CFAP221: variants seen among roughly 807,000 people sequenced by gnomAD.
CFAP221 encodes the protein cilia- and flagella-associated protein 221.
Under a neutral mutation model 113.1 loss-of-function variants are expected in CFAP221, and 97 were observed. That is an observed-to-expected ratio of 0.86 (90% CI 0.73 to 1.02). The LOEUF is 1.02. CFAP221 is among the 50% of genes least tolerant of loss of function. The probability of loss-of-function intolerance (pLI) is 0.00; values close to 1 mark genes in which losing one functional copy is unlikely to be tolerated. For synonymous variants in CFAP221, 331 were observed against 354.4 expected (o/e 0.93, Z 0.74); for missense variants, 1,025 against 1,013.4 (o/e 1.01, Z -0.16).
chr2:119,599,886 C>A (rs1456430681), intron 7 of CFAP221, among the ~76,000 whole-genome samples: 1 of 152,120 alleles, frequency 6.6e-6, no homozygotes, highest in East Asian at 1.9e-4. Context: ...TTATTAAGTG[C>A]TTATTAAGTA....
At chr2:119,592,678 C>T (rs1307942304) in intron 7 of CFAP221, among the ~76,000 whole-genome samples, 1 of 152,204 alleles carries the variant, frequency 6.6e-6, no homozygotes, top group East Asian at 1.9e-4. Flanking sequence ...GCTCCTGGGG[C>T]TGCATGCCTC....
chr2:119,639,801 G>A lies in CFAP221; in HGVS notation c.2154G>A (p.Met718Ile), dbSNP rs1489055178. ...LHHTDIIPGI[M>I]HWKSFQSLVL... ...TACAGGACATTATTCCCGGAATAAT[G>A]CACTGGAAAAGCTTCCAGTCCCTGG... is the stretch of plus-strand genomic sequence containing the variant. The change falls in exon 21 of 24, where the codon ATG (methionine) becomes ATA (isoleucine). Residue 718 changes from methionine (M) to isoleucine (I), a missense_variant. Transcript: ENST00000413369. 2 of 1,613,950 alleles carry A rather than the reference G, an allele frequency of 1.2e-6. No homozygotes were observed. The highest frequency in any genetic ancestry group is 3.3e-5 in the Admixed American group (2 of 60,000).
At chr2:119,571,478 A>G (rs1224093248) in intron 6 of CFAP221, among the ~76,000 whole-genome samples, 1 of 143,610 alleles carries the variant, frequency 7.0e-6, no homozygotes, top group African/African-American at 2.6e-5. Context: ...TTCTTGAGAC[A>G]GAGTTTCACT....
At chr2:119,572,744 G>A in intron 6 of CFAP221, 1 of 554,094 alleles carries the variant, frequency 1.8e-6, no homozygotes, top group Non-Finnish European at 3.3e-6. Flanking sequence ...TGTGGATCTG[G>A]TGGCTGAAGA....
chr2:119,584,160 ATGAT>A (rs1234487809), intron 6 of CFAP221, among the ~76,000 whole-genome samples: 2 of 152,214 alleles, frequency 1.3e-5, no homozygotes, highest in Non-Finnish European at 2.9e-5. Context: ...CTCCAAAACA[ATGAT>A]TGATAAAACT....
chr2:119,651,274 G>T (rs1212491504), intron 22 of CFAP221, among the ~76,000 whole-genome samples: 2 of 152,072 alleles, frequency 1.3e-5, no homozygotes, highest in Non-Finnish European at 2.9e-5. Context: ...CTATAGCTCG[G>T]AACCAAATGT....
intron 3 of CFAP221, chr2:119,555,983 A>G (rs1463329342): frequency 6.6e-6 from 1 of 152,238 alleles, no homozygotes; most frequent in African/African-American, 2.4e-5. Context: ...TAAAGTGTAG[A>G]AAATAAGCTG....
intron 8 of CFAP221, among the ~76,000 whole-genome samples, chr2:119,604,077 T>C (rs1315337060): frequency 1.3e-5 from 2 of 152,242 alleles, no homozygotes; most frequent in African/African-American, 2.4e-5. Flanking sequence ...AATCTAGCTA[T>C]TGAAAACCAA....
chr2:119,601,230 C>T lies in CFAP221; in HGVS notation c.644C>T (p.Ala215Val). 6.6e-7 allele frequency: 1 copy of T among 1,524,210 alleles called. No homozygotes were observed. The highest frequency in any genetic ancestry group is 8.8e-7 in the Non-Finnish European group (1 of 1,138,708). 94.4% of individuals were successfully genotyped at this position (1,524,210 alleles called of 1,614,324 possible). A position where few individuals can be genotyped will look rare whatever the true frequency, so the allele number is the denominator to read the frequency against. ...AIEPTSGIIP[A>V]NGKMTVTIKF... ...TCTTTCCTCTCAGGAATAATTCCGGCTAATGGGAAGATGACTGTGACTATT... is the reference window on the plus strand; with the variant it reads ...TCTTTCCTCTCAGGAATAATTCCGGTTAATGGGAAGATGACTGTGACTATT... Residue 215 changes from alanine to valine, a missense_variant, in exon 8 of 24, where the codon GCT (alanine) becomes GTT (valine). By Grantham distance (64) the Ala-to-Val change is moderately conservative (BLOSUM62 0). Coordinates refer to ENST00000413369, the MANE Select transcript of CFAP221 (RefSeq NM_001271049.2).
At chr2:119,643,626 C>G (rs138903590) in intron 21 of CFAP221, among the ~76,000 whole-genome samples, 3,562 of 152,242 alleles carry the variant, frequency 0.023, 64 homozygotes, top group Middle Eastern at 0.041. Context: ...CTCACTGCAA[C>G]CTCCGCCTCC....
In CFAP221 at chr2:119,656,624, AT is replaced by A. The variant is rs1574252473; in HGVS notation, c.*155del. 9.5e-6 allele frequency: 5 copies of A among 524,738 alleles called. No homozygotes were observed. In the East Asian group the frequency reaches 1.6e-4, roughly 16 times the overall value. 32.5% of individuals were successfully genotyped at this position (524,738 alleles called of 1,614,324 possible). Reference sequence around the variant, plus strand: ...TATATCTTTTAAGTGATAATTATAAATCTTATATTTAAAAATAAAATGGAGT... The same window carrying A: ...TATATCTTTTAAGTGATAATTATAAACTTATATTTAAAAATAAAATGGAGT... On this transcript the variant is annotated 3_prime_UTR_variant, in exon 24 of 24. Transcript: ENST00000413369.
chr2:119,638,090 G>A lies in CFAP221; in HGVS notation c.1975-169G>A, dbSNP rs146397324. On this transcript the variant is annotated intron_variant, in intron 19 of 23. Coordinates refer to ENST00000413369, the MANE Select transcript of CFAP221 (RefSeq NM_001271049.2). ...TGACTATGATTTTTTAAACGCTGCC[G>A]ACTTGAAGACACCTCTGCTCTCCTG... 6.5e-3 allele frequency: 3,366 copies of A among 519,678 alleles called. 140 individuals carry two copies. Among genetic ancestry groups the A allele is most frequent in the Middle Eastern group, 0.014 (39 of 2,872 alleles). 32.2% of individuals were successfully genotyped at this position (519,678 alleles called of 1,614,324 possible). A position where few individuals can be genotyped will look rare whatever the true frequency, so the allele number is the denominator to read the frequency against.
chr2:119,604,633 T>C (rs1455882596), intron 8 of CFAP221, 39 bp from the exon 9 acceptor site: 3 of 1,489,260 alleles, frequency 2.0e-6, no homozygotes, highest in Non-Finnish European at 1.8e-6. Context: ...CTTGAGTTAA[T>C]GGCTTATTTA....
At chr2:119,630,934 G>A in intron 19 of CFAP221, 33 bp downstream of exon 19, 1 of 1,605,128 alleles carries the variant, frequency 6.2e-7, no homozygotes. Context: ...CTTGTTTTCT[G>A]TGTTCCTTTA....
At chr2:119,594,402 AT>A (rs111676581) in intron 7 of CFAP221, among the ~76,000 whole-genome samples, 4,690 of 151,168 alleles carry the variant, frequency 0.031, 76 homozygotes, top group Non-Finnish European at 0.041. Context: ...CGCCCGGCTA[AT>A]TTTTTTTTGT....
rs546736707 is a variant in CFAP221, at chr2:119,580,091, A to C, written c.528-7028A>C. On this transcript the variant is annotated intron_variant, in intron 6 of 23. Transcript: ENST00000413369. ...CTAACTTGTAATGTTAGTTTTATCT[A>C]CCCAGCGCTGGTAGAATAGCTGACA... The C allele has an allele frequency of 2.6e-5, 4 of 152,208 alleles. No homozygotes were observed. In the East Asian group the frequency reaches 7.7e-4, roughly 29 times the overall value. 9.4% of individuals were successfully genotyped at this position (152,208 alleles called of 1,614,324 possible).
intron 7 of CFAP221, among the ~76,000 whole-genome samples, chr2:119,594,624 A>T (rs1683834567): frequency 6.6e-6 from 1 of 152,146 alleles, no homozygotes; most frequent in African/African-American, 2.4e-5. Context: ...TGCAGTTTAT[A>T]TGCACAGCAC....
intron 19 of CFAP221, among the ~76,000 whole-genome samples, chr2:119,634,977 A>G (rs865883923): frequency 5.3e-5 from 8 of 152,364 alleles, no homozygotes; most frequent in Middle Eastern, 3.4e-3. Flanking sequence ...TGTTACCACC[A>G]TATAATAAAT....
rs141886817 is a variant in CFAP221 at position 119,615,450 on chromosome 2, G to C, written c.1312-161G>C. Among the ~76,000 whole-genome samples the C allele has an allele frequency of 2.0e-4, 30 of 152,258 alleles. No individual in the cohort carries two copies. In the East Asian group the frequency reaches 5.2e-3, roughly 26 times the overall value. ...CAACTCAAGAAGTGTTCCTTATAAT[G>C]CTGTGTACACTAAAAGTGCTTAATA... On this transcript the variant is annotated intron_variant, in intron 13 of 23. Transcript: ENST00000413369.
Sources: gnomAD v4.1 joint callset for allele counts (sites outside exome capture counted in the v4.1 genomes callset) on GRCh38, gnomAD v4.1.1 for gene constraint, MANE v1.5 for transcripts, NCBI Gene and HGNC (gene_info 2026-07-23, HGNC 2026-07-21) for gene names.